The following APPBP2 variants were observed in gnomAD, a reference collection of about 807,000 sequenced individuals.
The protein encoded by APPBP2 is amyloid protein-binding protein 2.
In APPBP2, 15 loss-of-function variants were observed where a neutral mutation model predicts 76.0. The observed-to-expected ratio is 0.20, with a 90% confidence interval of 0.13 to 0.30. The LOEUF (loss-of-function observed/expected upper bound fraction) is 0.30, where lower values mean the gene tolerates loss of function less well. APPBP2 is among the 10% of genes least tolerant of loss of function. The pLI, the probability that APPBP2 is intolerant of heterozygous loss-of-function variation, is 1.00. For missense variants in APPBP2, 401 were observed against 687.2 expected, an observed-to-expected ratio of 0.58 and a Z score of 4.66; for synonymous variants, 222 against 242.2, an observed-to-expected ratio of 0.92 and a Z score of 0.77.
At chr17:60,512,898 A>C (rs2090927459) in intron 1 of APPBP2, among the ~76,000 whole-genome samples, 1 of 149,726 alleles carries the variant, frequency 6.7e-6, no homozygotes, top group African/African-American at 2.4e-5. Context: ...CTGAATATCT[A>C]GTATACAGTT....
intron 8 of APPBP2, 26 bp from the exon 9 acceptor site, chr17:60,460,813 C>A: frequency 6.2e-7 from 1 of 1,606,964 alleles, no homozygotes; most frequent in South Asian, 1.1e-5. Context: ...AAATATTTGT[C>A]AATACTGTAG....
In APPBP2 at chr17:60,461,894, G is replaced by A; in HGVS notation, c.852C>T (p.His284=). ...YLARDHFGSK[H]PKYSDTLLDY... ...CTAGCAGTGTATCAGAATATTTTGG[G>A]TGTTTGGATCCAAAATGATCCCTAT... The change falls in exon 8 of 13, where the codon CAC becomes CAT. Residue 284 remains histidine, a synonymous_variant. Coordinates refer to ENST00000083182, the MANE Select transcript of APPBP2 (RefSeq NM_006380.5). The A allele has an allele frequency of 6.2e-7, 1 of 1,613,080 alleles. No individual in the cohort carries two copies. The highest frequency in any genetic ancestry group is 1.3e-5 in the African/African-American group (1 of 74,994).
intron 4 of APPBP2, among the ~76,000 whole-genome samples, chr17:60,466,940 G>A (rs1203978131): frequency 6.6e-6 from 1 of 152,070 alleles, no homozygotes; most frequent in Non-Finnish European, 1.5e-5. Flanking sequence ...ACCGAAAATA[G>A]CAGTAGTGTC....
chr17:60,471,851 C>T (rs1052003974), intron 4 of APPBP2, among the ~76,000 whole-genome samples: 14 of 152,216 alleles, frequency 9.2e-5, no homozygotes, highest in African/African-American at 2.4e-4. Context: ...AGGGGCTGGG[C>T]GCAGTGGCTC....
At chr17:60,456,566 G>C (rs1288603570) in intron 9 of APPBP2, among the ~76,000 whole-genome samples, 185 bp from the exon 10 acceptor site, 1 of 152,084 alleles carries the variant, frequency 6.6e-6, no homozygotes, top group Non-Finnish European at 1.5e-5. Flanking sequence ...ACCCAACAGA[G>C]ACTCCCATTT....
intron 1 of APPBP2, among the ~76,000 whole-genome samples, chr17:60,516,713 A>G (rs1428305708): frequency 6.6e-6 from 1 of 152,206 alleles, no homozygotes; most frequent in Non-Finnish European, 1.5e-5. Flanking sequence ...AAGTAGCATT[A>G]CTGGGTTACA....
chr17:60,473,042 G>A (rs1327507747), intron 4 of APPBP2, among the ~76,000 whole-genome samples: 2 of 151,944 alleles, frequency 1.3e-5, no homozygotes, highest in Non-Finnish European at 2.9e-5. Context: ...TAACCCTCTT[G>A]GTAACTGCCA....
chr17:60,478,322 G>GA (rs1184484759), intron 4 of APPBP2, among the ~76,000 whole-genome samples: 1 of 151,928 alleles, frequency 6.6e-6, no homozygotes, highest in Non-Finnish European at 1.5e-5. Flanking sequence ...GTAACATGCA[G>GA]AAAAAAATAA....
intron 1 of APPBP2, among the ~76,000 whole-genome samples, chr17:60,518,257 G>A (rs530958670): frequency 4.0e-5 from 6 of 151,324 alleles, no homozygotes; most frequent in African/African-American, 1.5e-4. Flanking sequence ...ATGTTACCCA[G>A]GCTAGTCTTG....
chr17:60,516,586 T>C (rs182630108), intron 1 of APPBP2, among the ~76,000 whole-genome samples: 16 of 152,354 alleles, frequency 1.1e-4, no homozygotes, highest in Admixed American at 4.6e-4. Flanking sequence ...AATATTCTAC[T>C]ACGTGACTAT....
At chr17:60,521,387 T>C (rs1369545189) in intron 1 of APPBP2, among the ~76,000 whole-genome samples, 1 of 152,218 alleles carries the variant, frequency 6.6e-6, no homozygotes, top group Non-Finnish European at 1.5e-5. Flanking sequence ...GTCTTAGGCC[T>C]TCACATTCAC....
At chr17:60,520,661 G>A (rs946961661) in intron 1 of APPBP2, among the ~76,000 whole-genome samples, 1 of 151,190 alleles carries the variant, frequency 6.6e-6, no homozygotes, top group Non-Finnish European at 1.5e-5. Flanking sequence ...TTAACTCTAC[G>A]GCACACTTTG....
chr17:60,481,283 T>C (rs754996845), intron 3 of APPBP2, among the ~76,000 whole-genome samples: 4 of 152,228 alleles, frequency 2.6e-5, no homozygotes, highest in Non-Finnish European at 4.4e-5. Flanking sequence ...AGTTCTCTAG[T>C]ATCTGGTTAA....
At chr17:60,516,676 T>C (rs2090966541) in intron 1 of APPBP2, among the ~76,000 whole-genome samples, 1 of 152,248 alleles carries the variant, frequency 6.6e-6, no homozygotes, top group Non-Finnish European at 1.5e-5. Context: ...AGCAGTGCTA[T>C]GAACATTCAT....
At chr17:60,493,273 A>G (rs1402742060) in intron 3 of APPBP2, among the ~76,000 whole-genome samples, 2 of 152,180 alleles carry the variant, frequency 1.3e-5, no homozygotes, top group African/African-American at 4.8e-5. Flanking sequence ...CAATTGTGCC[A>G]CTGCACTCTA....
chr17:60,479,186 C>T lies in APPBP2; in HGVS notation c.465G>A (p.Glu155=), dbSNP rs750398565. The change falls in exon 4 of 13, where the codon GAG becomes GAA. Residue 155 remains glutamate, a synonymous_variant. Transcript: ENST00000083182. The part of the protein sequence containing the change: ...SCLQLCTLHD[E]MLHWFRAVEC... ...CTACTGCACGAAACCAATGAAGCAT[C>T]TCATCGTGTAGAGTACACAACTGAA... The T allele has an allele frequency of 6.2e-7, 1 of 1,613,850 alleles. No homozygotes were observed. The highest frequency in any genetic ancestry group is 1.3e-5 in the African/African-American group (1 of 75,048).
intron 1 of APPBP2, among the ~76,000 whole-genome samples, chr17:60,521,769 C>T (rs1353806057): frequency 6.6e-6 from 1 of 150,788 alleles, no homozygotes. Flanking sequence ...TTTCTTAAAA[C>T]ATTATGAGAT....
chr17:60,505,967 G>A (rs2090864977), intron 1 of APPBP2, among the ~76,000 whole-genome samples: 1 of 151,204 alleles, frequency 6.6e-6, no homozygotes. Context: ...ACAGGTGTGA[G>A]CCACCATGCC....
chr17:60,448,845 C>G (rs1461217374), intron 12 of APPBP2, among the ~76,000 whole-genome samples: 1 of 152,106 alleles, frequency 6.6e-6, no homozygotes, highest in Non-Finnish European at 1.5e-5. Flanking sequence ...TGGGTGGGAA[C>G]TGGGTAGAAG....
Sources: gnomAD v4.1 joint callset for allele counts (sites outside exome capture counted in the v4.1 genomes callset) on GRCh38, gnomAD v4.1.1 for gene constraint, MANE v1.5 for transcripts, NCBI Gene and HGNC (gene_info 2026-07-23, HGNC 2026-07-21) for gene names.